The following ATP7A variants were observed in gnomAD, a reference collection of about 807,000 sequenced individuals.
ATP7A encodes the protein ATPase copper transporting alpha.
In ATP7A, 7 loss-of-function variants were observed where a neutral mutation model predicts 83.5. The ratio of observed to expected loss-of-function variants is 0.08; its 90% CI spans 0.05 to 0.16. ATP7A has a LOEUF of 0.16. Ranked by LOEUF, ATP7A falls within the 10% of genes least tolerant of loss-of-function variation. The probability of loss-of-function intolerance (pLI) is 1.00; values close to 1 mark genes in which losing one functional copy is unlikely to be tolerated. For synonymous variants in ATP7A, 354 were observed against 395.2 expected, an observed-to-expected ratio of 0.90 and a Z score of 1.24; for missense variants, 940 against 1,120.8, an observed-to-expected ratio of 0.84 and a Z score of 2.30.
At chrX:77,943,812 T>A (rs1432812232) in intron 1 of ATP7A, among the ~76,000 whole-genome samples, 1 of 111,856 alleles carries the variant, frequency 8.9e-6, no homozygotes, top group Non-Finnish European at 1.9e-5. Flanking sequence ...ATAGTATGGA[T>A]GCACCATAAT....
At chrX:77,930,985 C>CTT (rs1180844779) in intron 1 of ATP7A, among the ~76,000 whole-genome samples, 10 of 34,948 alleles carry the variant, frequency 2.9e-4, no homozygotes, top group East Asian at 2.6e-3. Flanking sequence ...TAGGAACATT[C>CTT]TTTTTTTTTT....
At chrX:78,016,853 C>T (rs910843047) in intron 12 of ATP7A, among the ~76,000 whole-genome samples, 1 of 112,478 alleles carries the variant, frequency 8.9e-6, no homozygotes, top group Non-Finnish European at 1.9e-5. Flanking sequence ...GCTGCTTTCA[C>T]TGGCTGGTGT....
chrX:78,045,344 C>T (rs1235350637), intron 21 of ATP7A, 126 bp from the exon 22 acceptor site: 1 of 644,786 alleles, frequency 1.6e-6, no homozygotes, highest in Non-Finnish European at 2.4e-6. Context: ...CAACAAAAAT[C>T]TCTACCACCA....
At chrX:78,040,482 G>C in intron 18 of ATP7A, 109 bp from the exon 19 acceptor site, 1 of 1,028,355 alleles carries the variant, frequency 9.7e-7, no homozygotes. Context: ...GCCATGCCCT[G>C]AACAACTTTA....
intron 5 of ATP7A, among the ~76,000 whole-genome samples, chrX:77,999,410 T>C (rs1280130366): frequency 8.9e-6 from 1 of 112,394 alleles, no homozygotes; most frequent in Admixed American, 9.5e-5. Flanking sequence ...TTTAGAATTA[T>C]ATTTTTCTCT....
chrX:77,959,033 TCC>T (rs1557227726), intron 1 of ATP7A, among the ~76,000 whole-genome samples: 44 of 110,395 alleles, frequency 4.0e-4, no homozygotes, highest in African/African-American at 1.4e-3. Flanking sequence ...GGTGATCTGC[TCC>T]CCTCAGCCTC....
At chrX:78,024,533 A>G (rs1341247962) in intron 14 of ATP7A, among the ~76,000 whole-genome samples, 1 of 111,675 alleles carries the variant, frequency 9.0e-6, no homozygotes, top group Non-Finnish European at 1.9e-5. Flanking sequence ...CATGCTTTTC[A>G]TGGTGGCTCC....
intron 7 of ATP7A, 63 bp from the exon 8 acceptor site, chrX:78,011,113 G>C: frequency 4.9e-6 from 5 of 1,025,397 alleles, no homozygotes; most frequent in Non-Finnish European, 6.9e-6. Flanking sequence ...CCATGGCTTA[G>C]AATTTCTCTA....
chrX:78,013,312 A>C (rs1557234788), intron 10 of ATP7A, among the ~76,000 whole-genome samples, 200 bp downstream of exon 10: 3 of 112,087 alleles, frequency 2.7e-5, no homozygotes, highest in Non-Finnish European at 3.8e-5. Flanking sequence ...TAGATAGTAC[A>C]GTATGTCTGT....
intron 2 of ATP7A, among the ~76,000 whole-genome samples, chrX:77,983,799 C>T (rs782790286): frequency 5.7e-4 from 63 of 110,640 alleles, no homozygotes; most frequent in African/African-American, 2.1e-3. Context: ...ATTCTTGTGC[C>T]TCAGCCTCTT....
In ATP7A at chrX:77,942,967, C is replaced by T. The variant is rs782635166; in HGVS notation, c.-21-28654C>T. ...AGTAGCTGGGATTACAGGCAAGCAC[C>T]ACCACACCTGGCAACTTTTTGTATT... On this transcript the variant is annotated intron_variant, in intron 1 of 22. Coordinates refer to ENST00000341514, the MANE Select transcript of ATP7A (RefSeq NM_000052.7). Among the ~76,000 whole-genome samples, 10 of 110,342 alleles carry T rather than the reference C, an allele frequency of 9.1e-5. No homozygotes were observed. In the South Asian group the frequency reaches 3.9e-3, roughly 43 times the overall value.
chrX:77,931,503 C>T (rs1187762321), intron 1 of ATP7A, among the ~76,000 whole-genome samples: 58 of 112,688 alleles, frequency 5.1e-4, no homozygotes, highest in South Asian at 7.2e-4. Flanking sequence ...ATTGTCATCC[C>T]GGCCCGTTCT....
intron 1 of ATP7A, among the ~76,000 whole-genome samples, chrX:77,915,027 A>G (rs191184903): frequency 9.0e-6 from 1 of 111,584 alleles, no homozygotes; most frequent in East Asian, 2.8e-4. Flanking sequence ...TTAAGAGTGG[A>G]GGCTAGGTGG....
chrX:77,989,694 C>T lies in ATP7A; in HGVS notation c.1072C>T (p.Pro358Ser), dbSNP rs1557231860. The change falls in exon 4 of 23, where the codon CCC becomes TCC. Residue 358 changes from proline to serine, a missense_variant. By Grantham distance (74) the Pro-to-Ser change is moderately conservative. Transcript: ENST00000341514. ...TSEVESTSNS[P>S]SSSSLQKIPL... ...TGAAGTTGAGAGTACCTCAAACTCT[C>T]CCTCCAGCTCATCTCTTCAGAAGAT... is the stretch of plus-strand genomic sequence containing the variant. 1 of 1,211,517 alleles carries T rather than the reference C, an allele frequency of 8.3e-7. No individual in the cohort carries two copies. The highest frequency in any genetic ancestry group is 1.1e-6 in the Non-Finnish European group (1 of 895,332).
At chrX:77,939,756 A>G (rs1255887196) in intron 1 of ATP7A, among the ~76,000 whole-genome samples, 2 of 110,908 alleles carry the variant, frequency 1.8e-5, no homozygotes, top group Non-Finnish European at 3.8e-5. Context: ...TATCAAAATT[A>G]TGCAGTTATA....
Position 78,009,200 on chromosome X carries a change from C to T in ATP7A, c.1806C>T (p.Asn602=). 1 of 1,210,183 alleles carries T rather than the reference C, an allele frequency of 8.3e-7. No individual in the cohort carries two copies. The highest frequency in any genetic ancestry group is 1.1e-6 in the Non-Finnish European group (1 of 894,559). ...ILYCSVALAT[N]KAHIKYDPEI... is the part of the protein sequence containing the mutation. ...ACTGCTCCGTGGCCCTGGCAACCAA[C>T]AAAGCACATATTAAATATGACCCAG... is the stretch of plus-strand genomic sequence containing the variant. Residue 602 remains asparagine (N), a synonymous_variant, in exon 7 of 23, where the codon AAC becomes AAT. Coordinates refer to ENST00000341514, the MANE Select transcript of ATP7A (RefSeq NM_000052.7).
In ATP7A at chrX:78,015,785, C is replaced by T. The variant is rs374162669; in HGVS notation, c.2530C>T (p.Arg844Cys). The T allele has an allele frequency of 9.4e-5, 114 of 1,209,636 alleles. No individual in the cohort carries two copies. The Middle Eastern group carries it at 5.5e-3, about 58-fold the overall frequency. The part of the protein sequence containing the change: ...EEQVDVELVQ[R>C]GDIIKVVPGG... ...ACAAGTGGATGTGGAACTTGTACAA[C>T]GTGGAGATATCATTAAAGTAGTTCC... The change falls in exon 12 of 23, where the codon CGT becomes TGT. Residue 844 changes from arginine to cysteine, a missense_variant. Arg to Cys is a radical substitution (Grantham distance 180, BLOSUM62 -3). Coordinates refer to ENST00000341514, the MANE Select transcript of ATP7A (RefSeq NM_000052.7).
intron 1 of ATP7A, chrX:77,968,859 C>T (rs782136628): frequency 8.3e-7 from 1 of 1,210,329 alleles, no homozygotes; most frequent in Non-Finnish European, 1.1e-6. Flanking sequence ...GGGACAGTAT[C>T]CTCCCCGCTG....
At chrX:78,001,942 G>C (rs782273582) in intron 5 of ATP7A, among the ~76,000 whole-genome samples, 3 of 111,418 alleles carry the variant, frequency 2.7e-5, no homozygotes, top group Non-Finnish European at 5.6e-5. Flanking sequence ...TTAGATTACT[G>C]TGTGCCAGAC....
Sources: allele counts gnomAD v4.1 joint callset (sites outside exome capture counted in the v4.1 genomes callset), GRCh38; gene constraint gnomAD v4.1.1; transcripts MANE v1.5; gene names NCBI Gene and HGNC (gene_info 2026-07-23, HGNC 2026-07-21).